Variants in MDGA2 observed in about 807,000 individuals in gnomAD.
MDGA2 encodes MAM domain containing glycosylphosphatidylinositol anchor 2, also known as MAM domain-containing glycosylphosphatidylinositol anchor protein 2.
A neutral mutation model predicts 117.8 loss-of-function variants in MDGA2; 40 were observed. The ratio of observed to expected loss-of-function variants is 0.34; its 90% CI spans 0.26 to 0.44. The LOEUF (loss-of-function observed/expected upper bound fraction) is 0.44, where lower values mean the gene tolerates loss of function less well. Among genes scored for constraint, MDGA2 ranks in the 20% least tolerant of loss-of-function variants. MDGA2 has a pLI of 1.00. For missense variants in MDGA2, 1,123 were observed against 1,250.6 expected, an observed-to-expected ratio of 0.90 and a Z score of 1.54; for synonymous variants, 452 against 439.0, an observed-to-expected ratio of 1.03 and a Z score of -0.37.
At chr14:47,513,181 C>T (rs1894678423) in intron 1 of MDGA2, among the ~76,000 whole-genome samples, 1 of 152,022 alleles carries the variant, frequency 6.6e-6, no homozygotes, top group Non-Finnish European at 1.5e-5. Context: ...TGAAAGAAAG[C>T]ATCACCTTAA....
intron 1 of MDGA2, among the ~76,000 whole-genome samples, chr14:47,592,065 G>A (rs1006121114): frequency 6.6e-6 from 1 of 152,000 alleles, no homozygotes; most frequent in Admixed American, 6.6e-5. Flanking sequence ...AAATCGATGT[G>A]CAAAAATCAC....
intron 3 of MDGA2, chr14:47,200,897 G>A: frequency 1.2e-6 from 1 of 852,568 alleles, no homozygotes; most frequent in Non-Finnish European, 2.0e-6. Context: ...GTCCAGAGCG[G>A]CCTGGCCTCG....
intron 3 of MDGA2, among the ~76,000 whole-genome samples, chr14:47,184,998 A>G (rs911017934): frequency 8.6e-5 from 13 of 151,408 alleles, no homozygotes; most frequent in African/African-American, 3.1e-4. Context: ...ACCATATAAA[A>G]TAGAAATAAA....
At chr14:47,012,972 C>G (rs1252595385) in intron 8 of MDGA2, among the ~76,000 whole-genome samples, 1 of 152,086 alleles carries the variant, frequency 6.6e-6, no homozygotes, top group Non-Finnish European at 1.5e-5. Context: ...ATCATCTAAG[C>G]CTTCATCGAG....
At position 47,277,321 on chromosome 14, in the gene MDGA2, T is replaced by C. The variant is rs546592647; in HGVS notation, c.420+24090A>G. Among the ~76,000 whole-genome samples the C allele has an allele frequency of 1.3e-4, 20 of 152,300 alleles. 1 individual carries two copies. The highest frequency in any genetic ancestry group is 4.8e-4 in the African/African-American group (20 of 41,572). On this transcript the variant is annotated intron_variant, in intron 2 of 16. Coordinates refer to ENST00000399232, the MANE Select transcript of MDGA2 (RefSeq NM_001113498.3). ...AACAATTAAAAACATATATGCAATG[T>C]GGATAAACAGTGAACAAGACATCCT...
chr14:47,292,255 T>A (rs1262975158), intron 2 of MDGA2, among the ~76,000 whole-genome samples: 1 of 152,222 alleles, frequency 6.6e-6, no homozygotes, highest in Non-Finnish European at 1.5e-5. Context: ...GCAGTGTTAC[T>A]GATGATTTCA....
At chr14:46,917,195 A>G (rs557758320) in intron 10 of MDGA2, among the ~76,000 whole-genome samples, 2 of 152,350 alleles carry the variant, frequency 1.3e-5, no homozygotes, top group East Asian at 3.9e-4. Flanking sequence ...AAAAAGGTCT[A>G]GAAATTATTT....
chr14:47,023,197 G>GCAA (rs1435992503), intron 8 of MDGA2, among the ~76,000 whole-genome samples: 5,363 of 69,036 alleles, frequency 0.078, 100 homozygotes, highest in Middle Eastern at 0.14. Flanking sequence ...ATTCCCACTC[G>GCAA]TAAAAAAAAA....
intron 8 of MDGA2, chr14:46,996,849 G>A (rs141812386): frequency 4.0e-6 from 1 of 251,594 alleles, no homozygotes; most frequent in Non-Finnish European, 7.8e-6. Flanking sequence ...ATATGAATGA[G>A]CTTTCCACAC....
At chr14:47,626,703 A>G (rs1024248241) in intron 1 of MDGA2, among the ~76,000 whole-genome samples, 1 of 152,136 alleles carries the variant, frequency 6.6e-6, no homozygotes, top group Non-Finnish European at 1.5e-5. Context: ...CACCTGGGCC[A>G]GCAGCTGCTG....
At chr14:46,974,763 T>A (rs569542603) in intron 8 of MDGA2, among the ~76,000 whole-genome samples, 4 of 152,176 alleles carry the variant, frequency 2.6e-5, no homozygotes, top group African/African-American at 7.2e-5. Flanking sequence ...TATAAAACTC[T>A]TAGAAGAAAA....
At chr14:47,170,275 C>A (rs1189735877) in intron 3 of MDGA2, among the ~76,000 whole-genome samples, 3 of 152,118 alleles carry the variant, frequency 2.0e-5, no homozygotes, top group African/African-American at 7.2e-5. Flanking sequence ...AAGTAAGAAA[C>A]AGCAATAAGA....
At chr14:47,053,640 T>TACACAC (rs1889547004) in intron 7 of MDGA2, among the ~76,000 whole-genome samples, 1 of 63,450 alleles carries the variant, frequency 1.6e-5, no homozygotes, top group Admixed American at 1.6e-4. Flanking sequence ...TATATATATA[T>TACACAC]ATATATATAT....
intron 5 of MDGA2, among the ~76,000 whole-genome samples, chr14:47,129,200 T>G (rs1882063798): frequency 6.6e-6 from 1 of 151,866 alleles, no homozygotes; most frequent in Admixed American, 6.6e-5. Context: ...ACCCACTAAC[T>G]CGTCATCTAG....
chr14:47,544,197 C>T (rs888855893), intron 1 of MDGA2, among the ~76,000 whole-genome samples: 4 of 152,054 alleles, frequency 2.6e-5, no homozygotes, highest in Admixed American at 2.0e-4. Context: ...TATTAAAAGT[C>T]AAATTGTGTT....
chr14:46,843,555 T>A (rs967221016), intron 16 of MDGA2, among the ~76,000 whole-genome samples: 7 of 152,160 alleles, frequency 4.6e-5, no homozygotes, highest in Non-Finnish European at 8.8e-5. Context: ...AAGGATACAT[T>A]TTTACTAAAT....
chr14:47,159,020 G>A (rs1196699886), intron 3 of MDGA2, among the ~76,000 whole-genome samples: 1 of 152,176 alleles, frequency 6.6e-6, no homozygotes, highest in African/African-American at 2.4e-5. Flanking sequence ...AAGGCCAGTG[G>A]TTGCCAAACA....
chr14:47,496,729 C>T (rs931860053), intron 1 of MDGA2, among the ~76,000 whole-genome samples: 2 of 150,200 alleles, frequency 1.3e-5, no homozygotes, highest in African/African-American at 2.4e-5. Context: ...ATATATGTTA[C>T]TATAATATGT....
At chr14:47,575,645 A>C (rs1051274431) in intron 1 of MDGA2, among the ~76,000 whole-genome samples, 5 of 152,182 alleles carry the variant, frequency 3.3e-5, no homozygotes, top group Non-Finnish European at 1.5e-5. Flanking sequence ...CTATCCATGA[A>C]GGACAAGAAG....
Sources: gnomAD v4.1 joint callset for allele counts (sites outside exome capture counted in the v4.1 genomes callset) on GRCh38, gnomAD v4.1.1 for gene constraint, MANE v1.5 for transcripts, NCBI Gene and HGNC (gene_info 2026-07-23, HGNC 2026-07-21) for gene names.